The following SCAMP1 variants were observed in gnomAD, a reference collection of about 807,000 sequenced individuals.
The protein encoded by SCAMP1 is secretory carrier membrane protein 1, also known as secretory carrier-associated membrane protein 1.
A neutral mutation model predicts 41.8 loss-of-function variants in SCAMP1; 15 were observed. That is an observed-to-expected ratio of 0.36 (90% CI 0.24 to 0.55). The LOEUF (loss-of-function observed/expected upper bound fraction) is 0.55. Among genes scored for constraint, SCAMP1 ranks in the 20% least tolerant of loss-of-function variants. The pLI is 0.86. For missense variants in SCAMP1, 341 were observed against 412.6 expected, an observed-to-expected ratio of 0.83 and a Z score of 1.50; for synonymous variants, 135 against 136.8, an observed-to-expected ratio of 0.99 and a Z score of 0.09.
At chr5:78,423,324 G>C (rs1561269946) in intron 6 of SCAMP1, among the ~76,000 whole-genome samples, 2 of 152,172 alleles carry the variant, frequency 1.3e-5, no homozygotes, top group African/African-American at 2.4e-5. Flanking sequence ...GAGATGGGTT[G>C]GAGAGGAATG....
At chr5:78,388,942 TAAA>T (rs1751416979) in intron 2 of SCAMP1, 28 bp downstream of exon 2, 2 of 1,150,426 alleles carry the variant, frequency 1.7e-6, no homozygotes, top group Non-Finnish European at 2.5e-6. Context: ...TTTAAATGTT[TAAA>T]TTGAAATTCA....
At chr5:78,397,197 C>T (rs965122317) in intron 2 of SCAMP1, among the ~76,000 whole-genome samples, 1 of 152,170 alleles carries the variant, frequency 6.6e-6, no homozygotes, top group Non-Finnish European at 1.5e-5. Context: ...TTATGATCAA[C>T]TGATTTTTGA....
chr5:78,387,563 T>C (rs1306649357), intron 1 of SCAMP1, among the ~76,000 whole-genome samples: 1 of 152,142 alleles, frequency 6.6e-6, no homozygotes, highest in African/African-American at 2.4e-5. Flanking sequence ...TTGTTTTTTT[T>C]GTTTCTTCTT....
chr5:78,470,198 A>T (rs1753853755), intron 8 of SCAMP1, among the ~76,000 whole-genome samples: 1 of 152,142 alleles, frequency 6.6e-6, no homozygotes, highest in Non-Finnish European at 1.5e-5. Context: ...ATAAACTTTG[A>T]CATTTTAATT....
At chr5:78,446,428 A>G (rs1753053706) in intron 6 of SCAMP1, among the ~76,000 whole-genome samples, 1 of 152,114 alleles carries the variant, frequency 6.6e-6, no homozygotes, top group Admixed American at 6.6e-5. Context: ...TAGAGCACAT[A>G]CTTTATATAT....
At chr5:78,395,623 A>G (rs889643433) in intron 2 of SCAMP1, among the ~76,000 whole-genome samples, 4 of 152,168 alleles carry the variant, frequency 2.6e-5, no homozygotes, top group African/African-American at 9.7e-5. Context: ...CCAGGCTTAT[A>G]TAGATTGCTG....
chr5:78,373,542 A>G (rs773491935), intron 1 of SCAMP1, among the ~76,000 whole-genome samples: 2 of 152,160 alleles, frequency 1.3e-5, no homozygotes, highest in South Asian at 2.1e-4. Context: ...CTATCCATGT[A>G]AGACATGTTT....
Position 78,460,793 on chromosome 5 carries a change from CT to C in SCAMP1, c.852+1433del, listed in dbSNP as rs1561287109. On this transcript the variant is annotated intron_variant, in intron 8 of 8. Coordinates refer to ENST00000621999, the MANE Select transcript of SCAMP1 (RefSeq NM_004866.6). The stretch of plus-strand genomic sequence containing the variant: ...CCTTCCTTCCTTCCTTCCTTCCTTC[CT>C]TCCTTCCTTCCTCCCTTCCTTCCTT... Among the ~76,000 whole-genome samples the C allele has an allele frequency of 2.3e-3, 107 of 47,262 alleles. 8 individuals carry two copies. Among genetic ancestry groups the C allele is most frequent in the Admixed American group, 0.011 (77 of 6,728 alleles). 31.0% of individuals were successfully genotyped at this position (47,262 alleles called of 152,430 possible).
At chr5:78,382,592 C>T (rs890744901) in intron 1 of SCAMP1, among the ~76,000 whole-genome samples, 1 of 152,182 alleles carries the variant, frequency 6.6e-6, no homozygotes, top group South Asian at 2.1e-4. Context: ...CCCATGAGTC[C>T]CTGAAGTTCA....
intron 8 of SCAMP1, 37 bp downstream of exon 8, chr5:78,459,399 C>T (rs748841091): frequency 7.0e-5 from 71 of 1,011,518 alleles, no homozygotes; most frequent in South Asian, 1.3e-4. Context: ...TTATAGTGAA[C>T]GTGATGTAAA....
intron 5 of SCAMP1, among the ~76,000 whole-genome samples, chr5:78,421,023 C>A (rs1019832169): frequency 1.3e-5 from 2 of 151,994 alleles, no homozygotes; most frequent in African/African-American, 4.8e-5. Flanking sequence ...TTAAAAAATC[C>A]TTTGAAACAG....
Position 78,479,930 on chromosome 5 carries a change from C to A in SCAMP1, c.*4262C>A, listed in dbSNP as rs1754098949. ...GCATGGTGGCGGGCGCCTGTAGTCCCAGCTACTTGGGAGGCTGAGGCAGGA... is the reference window on the plus strand; with the variant it reads ...GCATGGTGGCGGGCGCCTGTAGTCCAAGCTACTTGGGAGGCTGAGGCAGGA... On this transcript the variant is annotated 3_prime_UTR_variant, in exon 9 of 9. Coordinates refer to ENST00000621999, the MANE Select transcript of SCAMP1 (RefSeq NM_004866.6). 1.3e-5 allele frequency among the ~76,000 whole-genome samples: 2 copies of A among 152,012 alleles called. No individual in the cohort carries two copies. The highest frequency in any genetic ancestry group is 4.2e-4 in the South Asian group (2 of 4,810).
rs1028206629 is a variant in SCAMP1, at chr5:78,469,694, C to A, written c.853-5810C>A. ...ATCTTTATATGCATATTTTTATCAG[C>A]TTTATTGAAATATAATTCACATACA... On this transcript the variant is annotated intron_variant, in intron 8 of 8. Coordinates refer to ENST00000621999, the MANE Select transcript of SCAMP1 (RefSeq NM_004866.6). Among the ~76,000 whole-genome samples the A allele has an allele frequency of 2.0e-5, 3 of 151,474 alleles. No individual in the cohort carries two copies. The East Asian group carries it at 5.8e-4, about 29-fold the overall frequency.
intron 6 of SCAMP1, 58 bp from the exon 7 acceptor site, chr5:78,449,875 C>G: frequency 1.7e-4 from 135 of 792,438 alleles, no homozygotes; most frequent in Non-Finnish European, 2.4e-4. Flanking sequence ...TGACGTTTTT[C>G]CCCTTCTTTC....
chr5:78,363,907 A>G (rs936953493), intron 1 of SCAMP1, among the ~76,000 whole-genome samples: 3 of 152,222 alleles, frequency 2.0e-5, no homozygotes, highest in African/African-American at 4.8e-5. Context: ...TTGCGCATCA[A>G]GAAACTTGGA....
At chr5:78,403,716 A>C (rs1293502363) in intron 2 of SCAMP1, among the ~76,000 whole-genome samples, 1 of 152,158 alleles carries the variant, frequency 6.6e-6, no homozygotes, top group African/African-American at 2.4e-5. Context: ...CTTTAATCCC[A>C]GCGTTTTGGG....
chr5:78,393,642 A>G (rs1751573362), intron 2 of SCAMP1, among the ~76,000 whole-genome samples: 1 of 152,188 alleles, frequency 6.6e-6, no homozygotes, highest in African/African-American at 2.4e-5. Context: ...AATGGAAGAT[A>G]GTCTTGAGTT....
At chr5:78,364,959 A>G (rs560214199) in intron 1 of SCAMP1, among the ~76,000 whole-genome samples, 166 of 64,824 alleles carry the variant, frequency 2.6e-3, no homozygotes, top group African/African-American at 9.3e-3. Flanking sequence ...GCACACCAAC[A>G]TGGCACATGT....
At chr5:78,433,383 A>G (rs1365202953) in intron 6 of SCAMP1, among the ~76,000 whole-genome samples, 2 of 152,068 alleles carry the variant, frequency 1.3e-5, no homozygotes, top group Non-Finnish European at 2.9e-5. Flanking sequence ...GGGAGGTGAG[A>G]TGGGATAGCA....
Sources: allele counts gnomAD v4.1 joint callset (sites outside exome capture counted in the v4.1 genomes callset), GRCh38; gene constraint gnomAD v4.1.1; transcripts MANE v1.5; gene names NCBI Gene and HGNC (gene_info 2026-07-23, HGNC 2026-07-21).